Variants in TESC observed in about 807,000 individuals in gnomAD.
TESC encodes tescalcin, also known as calcineurin B homologous protein 3.
Under a neutral mutation model 31.0 loss-of-function variants are expected in TESC, and 19 were observed. The ratio of observed to expected loss-of-function variants is 0.61; its 90% CI spans 0.43 to 0.90. The LOEUF is 0.90. TESC is among the 40% of genes least tolerant of loss of function. TESC has a pLI of 0.00. For synonymous variants in TESC, 109 were observed against 114.8 expected, an observed-to-expected ratio of 0.95 and a Z score of 0.32; for missense variants, 248 against 303.8, an observed-to-expected ratio of 0.82 and a Z score of 1.36.
intron 2 of TESC, among the ~76,000 whole-genome samples, chr12:117,059,665 C>T (rs1954774813): frequency 1.3e-5 from 2 of 152,152 alleles, no homozygotes; most frequent in Admixed American, 6.5e-5. Flanking sequence ...TAGTGGATCT[C>T]GGCTGCAATC....
intron 2 of TESC, among the ~76,000 whole-genome samples, chr12:117,072,369 C>T (rs1263726550): frequency 6.6e-6 from 1 of 152,164 alleles, no homozygotes; most frequent in African/African-American, 2.4e-5. Context: ...AGTCGTGAGT[C>T]ACAGTGCCCG....
chr12:117,046,953 G>A lies in TESC; in HGVS notation c.350-115C>T, dbSNP rs550923241. On this transcript the variant is annotated intron_variant, in intron 4 of 7. Coordinates refer to ENST00000335209, the MANE Select transcript of TESC (RefSeq NM_017899.4). The stretch of plus-strand genomic sequence containing the variant: ...CCAATAACCAAACCTCAATGCCAAA[G>A]CCAGAGGGGTCAGGGCATGAGCTGT... 8 of 1,127,118 alleles carry A rather than the reference G, an allele frequency of 7.1e-6. No homozygotes were observed. The African/African-American group carries it at 9.3e-5, about 13-fold the overall frequency. 69.8% of individuals were successfully genotyped at this position (1,127,118 alleles called of 1,614,324 possible). A position where few individuals can be genotyped will look rare whatever the true frequency, so the allele number is the denominator to read the frequency against.
intron 1 of TESC, among the ~76,000 whole-genome samples, chr12:117,097,398 C>T (rs1955409459): frequency 6.6e-6 from 1 of 152,182 alleles, no homozygotes; most frequent in African/African-American, 2.4e-5. Flanking sequence ...TGCTCTGCAG[C>T]CCCTCCTCCC....
At chr12:117,081,592 T>G (rs1418500997) in intron 1 of TESC, among the ~76,000 whole-genome samples, 2 of 152,092 alleles carry the variant, frequency 1.3e-5, no homozygotes, top group Non-Finnish European at 2.9e-5. Flanking sequence ...GTAATCAAGG[T>G]TGCCTGTTTA....
rs1325337822 is a variant in TESC, at chr12:117,046,558, C to T, written c.519+1G>A. 3 of 1,549,546 alleles carry T rather than the reference C, an allele frequency of 1.9e-6. No homozygotes were observed. Among genetic ancestry groups the T allele is most frequent in the Non-Finnish European group, 2.6e-6 (3 of 1,146,162 alleles). ...CTCGGGAGGGCTGCAGGGGCGCTCA[C>T]CATCTGCCCCATGCACACGCTGGCC... On this transcript the variant is annotated splice_donor_variant, in intron 6 of 7. Coordinates refer to ENST00000335209, the MANE Select transcript of TESC (RefSeq NM_017899.4). LOFTEE classifies it high-confidence loss of function.
At chr12:117,095,152 G>A (rs189116514) in intron 1 of TESC, among the ~76,000 whole-genome samples, 13 of 151,970 alleles carry the variant, frequency 8.6e-5, no homozygotes, top group East Asian at 3.9e-4. Flanking sequence ...TCAGCTCACC[G>A]CAACCTCCGC....
At chr12:117,043,356 T>G (rs1188030409) in intron 6 of TESC, among the ~76,000 whole-genome samples, 1 of 151,950 alleles carries the variant, frequency 6.6e-6, no homozygotes, top group African/African-American at 2.4e-5. Flanking sequence ...TGAAATTCTG[T>G]ACAACGTGTG....
chr12:117,062,918 A>C (rs1954818236), intron 2 of TESC, among the ~76,000 whole-genome samples: 1 of 152,096 alleles, frequency 6.6e-6, no homozygotes, highest in African/African-American at 2.4e-5. Context: ...GCTGATTCTC[A>C]TGGCCAGTGG....
At chr12:117,056,152 C>G (rs1458879638) in intron 3 of TESC, among the ~76,000 whole-genome samples, 2 of 152,090 alleles carry the variant, frequency 1.3e-5, no homozygotes, top group African/African-American at 4.8e-5. Context: ...AACTCCTGAC[C>G]TCAAGTGATC....
At chr12:117,045,845 C>A (rs947323179) in intron 6 of TESC, among the ~76,000 whole-genome samples, 1 of 152,256 alleles carries the variant, frequency 6.6e-6, no homozygotes, top group Non-Finnish European at 1.5e-5. Context: ...CAGGTGGTCA[C>A]CTGCCTGCCT....
At chr12:117,057,707 C>G (rs1287537338) in intron 2 of TESC, among the ~76,000 whole-genome samples, 1 of 152,158 alleles carries the variant, frequency 6.6e-6, no homozygotes, top group Non-Finnish European at 1.5e-5. Context: ...CAGAAACAAC[C>G]CAAACATCTG....
intron 4 of TESC, chr12:117,048,777 G>A (rs770818416): frequency 9.0e-6 from 6 of 665,314 alleles, no homozygotes; most frequent in East Asian, 3.1e-5. Context: ...CACATCCACC[G>A]CACAACCCCC....
intron 1 of TESC, among the ~76,000 whole-genome samples, chr12:117,084,816 G>A (rs973540387): frequency 3.9e-5 from 6 of 152,194 alleles, no homozygotes; most frequent in African/African-American, 1.2e-4. Context: ...CCCAGATGAG[G>A]GGCATGCACA....
intron 2 of TESC, 89 bp from the exon 3 acceptor site, chr12:117,056,975 T>G: frequency 7.4e-7 from 1 of 1,347,632 alleles, no homozygotes; most frequent in Non-Finnish European, 1.1e-6. Flanking sequence ...CAAGCTGTAT[T>G]TTGGATCCCT....
chr12:117,092,544 G>A (rs1304119655), intron 1 of TESC, among the ~76,000 whole-genome samples: 1 of 152,220 alleles, frequency 6.6e-6, no homozygotes, highest in Non-Finnish European at 1.5e-5. Context: ...AGAGGCTGGG[G>A]GGGTCCCATG....
At chr12:117,050,644 G>C (rs768756690) in intron 3 of TESC, among the ~76,000 whole-genome samples, 4 of 152,236 alleles carry the variant, frequency 2.6e-5, no homozygotes, top group African/African-American at 4.8e-5. Flanking sequence ...GTTGTTAATA[G>C]CTCGGAGGCC....
intron 2 of TESC, among the ~76,000 whole-genome samples, chr12:117,065,065 C>T (rs1296751049): frequency 6.6e-6 from 1 of 152,216 alleles, no homozygotes; most frequent in African/African-American, 2.4e-5. Context: ...GGGGCCCAAC[C>T]GTGCAGGGGC....
rs1045498647 is a variant in TESC, at chr12:117,067,526, T to A, written c.128+7745A>T. 4.6e-5 allele frequency among the ~76,000 whole-genome samples: 7 copies of A among 152,242 alleles called. No homozygotes were observed. In the East Asian group the frequency reaches 1.4e-3, roughly 29 times the overall value. On this transcript the variant is annotated intron_variant, in intron 2 of 7. Transcript: ENST00000335209. ...GTCGGAGGCTGCAGTAAACCATGAC[T>A]GCACCACTGCACCCCAGTCTGGACA...
intron 1 of TESC, among the ~76,000 whole-genome samples, chr12:117,094,721 G>C (rs1335901517): frequency 6.6e-6 from 1 of 152,126 alleles, no homozygotes; most frequent in Non-Finnish European, 1.5e-5. Flanking sequence ...GTTTCATAAA[G>C]AGACAGGGTT....
Sources: allele counts gnomAD v4.1 joint callset (sites outside exome capture counted in the v4.1 genomes callset), GRCh38; gene constraint gnomAD v4.1.1; transcripts MANE v1.5; gene names NCBI Gene and HGNC (gene_info 2026-07-23, HGNC 2026-07-21).